Variants in GRM3 observed in about 807,000 individuals in gnomAD.
GRM3 encodes glutamate metabotropic receptor 3.
GRM3 carries 26 observed loss-of-function variants against 70.5 expected under a neutral mutation model. The observed-to-expected ratio is 0.37, with a 90% CI of 0.27 to 0.51. GRM3 has a LOEUF of 0.51. Ranked by LOEUF, GRM3 falls within the 20% of genes least tolerant of loss-of-function variation. GRM3 has a pLI of 0.93. For missense variants in GRM3, 859 were observed against 1,123.8 expected (o/e 0.76, Z 3.37); for synonymous variants, 443 against 434.9 (o/e 1.02, Z -0.23).
chr7:86,746,375 A>AT (rs1562846667), intron 1 of GRM3, among the ~76,000 whole-genome samples: 1 of 137,154 alleles, frequency 7.3e-6, no homozygotes, highest in Non-Finnish European at 1.6e-5. Context: ...ATATATATAT[A>AT]ATCACTTCAA....
chr7:86,725,114 T>C (rs1196369055), intron 1 of GRM3, among the ~76,000 whole-genome samples: 1 of 152,164 alleles, frequency 6.6e-6, no homozygotes, highest in African/African-American at 2.4e-5. Flanking sequence ...TCCTCATTCT[T>C]TAATTTCATG....
chr7:86,801,070 T>TTC (rs1797671584), intron 3 of GRM3, among the ~76,000 whole-genome samples: 1 of 142,002 alleles, frequency 7.0e-6, no homozygotes, highest in African/African-American at 2.7e-5. Flanking sequence ...TCTTCTTTTT[T>TTC]TTTTTTTTTT....
intron 1 of GRM3, among the ~76,000 whole-genome samples, chr7:86,694,335 AC>A (rs1175156153): frequency 6.6e-6 from 1 of 151,810 alleles, no homozygotes; most frequent in Non-Finnish European, 1.5e-5. Flanking sequence ...CCACGGTGAA[AC>A]CCTGTCTCTA....
intron 3 of GRM3, among the ~76,000 whole-genome samples, chr7:86,800,186 G>T (rs1039543497): frequency 1.3e-5 from 2 of 152,172 alleles, no homozygotes; most frequent in African/African-American, 4.8e-5. Context: ...ACATCAAAAA[G>T]CTATGAGGAT....
At chr7:86,673,049 T>C (rs552969934) in intron 1 of GRM3, among the ~76,000 whole-genome samples, 1 of 152,314 alleles carries the variant, frequency 6.6e-6, no homozygotes, top group East Asian at 1.9e-4. Context: ...CTGTTATCTA[T>C]GGGATTGTTA....
At chr7:86,823,169 A>G (rs1262898167) in intron 3 of GRM3, among the ~76,000 whole-genome samples, 1 of 152,194 alleles carries the variant, frequency 6.6e-6, no homozygotes, top group Non-Finnish European at 1.5e-5. Context: ...TTCCTATTAC[A>G]CAGCCCTGCC....
At position 86,813,851 on chromosome 7, in the gene GRM3, T is replaced by C. The variant is rs186265635; in HGVS notation, c.1325-24988T>C. Among the ~76,000 whole-genome samples, 18 of 151,772 alleles carry C rather than the reference T, an allele frequency of 1.2e-4. 1 individual carries two copies. Among genetic ancestry groups the C allele is most frequent in the Admixed American group, 1.1e-3 (17 of 15,194 alleles). On this transcript the variant is annotated intron_variant, in intron 3 of 5. Coordinates refer to ENST00000361669, the MANE Select transcript of GRM3 (RefSeq NM_000840.3). ...GACATTTTACCAGCTAGAACCCTAA[T>C]TGAACAAGACTTGCTGAGAGCAAGA...
At position 86,644,879 on chromosome 7, in the gene GRM3, G is replaced by A. The variant is rs1232732374; in HGVS notation, c.-141+7G>A. ...CAGGAGTTGTCGGTGCGAGGTAAGG[G>A]TCCCAGAGGAGGACGTGTCCCTCTG... On this transcript the variant is annotated splice_region_variant and intron_variant, in intron 1 of 5. Coordinates refer to ENST00000361669, the MANE Select transcript of GRM3 (RefSeq NM_000840.3). 2 of 1,283,814 alleles carry A rather than the reference G, an allele frequency of 1.6e-6. No homozygotes were observed. Among genetic ancestry groups the A allele is most frequent in the East Asian group, 5.6e-5 (1 of 17,954 alleles). The allele number at this position is 1,283,814 out of a possible 1,614,324, so 79.5% of individuals were successfully genotyped here.
At chr7:86,717,532 G>A (rs1000583324) in intron 1 of GRM3, among the ~76,000 whole-genome samples, 11 of 151,942 alleles carry the variant, frequency 7.2e-5, no homozygotes, top group Non-Finnish European at 7.4e-5. Context: ...AAATTTACGA[G>A]ACTATTACAA....
At position 86,839,057 on chromosome 7, in the gene GRM3, C is replaced by T; in HGVS notation, c.1543C>T (p.Pro515Ser). 1.2e-6 allele frequency: 2 copies of T among 1,614,026 alleles called. No individual in the cohort carries two copies. Among genetic ancestry groups the T allele is most frequent in the Non-Finnish European group, 1.7e-6 (2 of 1,179,890 alleles). The change falls in exon 4 of 6, where the codon CCC becomes TCC. Residue 515 changes from proline to serine, a missense_variant. By Grantham distance (74) the Pro-to-Ser change is moderately conservative. Coordinates refer to ENST00000361669, the MANE Select transcript of GRM3 (RefSeq NM_000840.3). This position sits in a 1 kb window ranked among gnomAD's most constrained non-coding sequence, Gnocchi z 4.5. The part of the protein sequence containing the change: ...PTSQCSDPCA[P>S]NEMKNMQPGD... ...TTCCCAGTGCAGCGACCCCTGTGCC[C>T]CCAATGAAATGAAGAATATGCAACC...
chr7:86,781,514 T>C (rs926615591), intron 2 of GRM3, among the ~76,000 whole-genome samples: 1 of 152,172 alleles, frequency 6.6e-6, no homozygotes, highest in African/African-American at 2.4e-5. Flanking sequence ...AATTTACATC[T>C]CTTCCTATAT....
At chr7:86,752,998 A>G (rs1447762475) in intron 1 of GRM3, among the ~76,000 whole-genome samples, 1 of 152,204 alleles carries the variant, frequency 6.6e-6, no homozygotes, top group East Asian at 1.9e-4. Context: ...TTCTCCTGGC[A>G]TATTATGGTA....
At chr7:86,702,620 C>A (rs900039745) in intron 1 of GRM3, among the ~76,000 whole-genome samples, 2 of 151,924 alleles carry the variant, frequency 1.3e-5, no homozygotes, top group African/African-American at 2.4e-5. Flanking sequence ...CTCTTTTTGT[C>A]CTTATTCTTT....
At chr7:86,696,917 C>T (rs1247990183) in intron 1 of GRM3, among the ~76,000 whole-genome samples, 2 of 152,178 alleles carry the variant, frequency 1.3e-5, no homozygotes. Flanking sequence ...AACTGCTCTA[C>T]TATTCTGGCT....
At chr7:86,812,979 T>C (rs1443511405) in intron 3 of GRM3, among the ~76,000 whole-genome samples, 1 of 151,746 alleles carries the variant, frequency 6.6e-6, no homozygotes, top group Non-Finnish European at 1.5e-5. Context: ...GGCACTACAC[T>C]TAAATTTTTA....
rs1355501473 is a variant in GRM3, at chr7:86,765,527, C to T, written c.382C>T (p.Pro128Ser). Residue 128 changes from proline (P) to serine (S), a missense_variant, in exon 2 of 6, where the codon CCT (proline) becomes TCT (serine). By Grantham distance (74) the Pro-to-Ser change is moderately conservative (BLOSUM62 -1). Transcript: ENST00000361669. The stretch of plus-strand genomic sequence containing the variant: ...AGTGGATGAAGCTGAGTATATGTGT[C>T]CTGATGGATCCTATGCCATTCAAGA... ...TKVDEAEYMC[P>S]DGSYAIQENI... is the part of the protein sequence containing the mutation. 3.1e-6 allele frequency: 5 copies of T among 1,613,596 alleles called. No individual in the cohort carries two copies. The African/African-American group carries it at 6.7e-5, about 22-fold the overall frequency.
intron 1 of GRM3, among the ~76,000 whole-genome samples, chr7:86,726,351 T>C (rs1795593332): frequency 6.6e-6 from 1 of 152,212 alleles, no homozygotes; most frequent in Non-Finnish European, 1.5e-5. Context: ...TGAGGCTGAA[T>C]ACATCTAATT....
chr7:86,835,151 G>A (rs528536653), intron 3 of GRM3, among the ~76,000 whole-genome samples: 1 of 151,730 alleles, frequency 6.6e-6, no homozygotes, highest in Admixed American at 6.5e-5. Context: ...GGGTATCAGG[G>A]GATTTAATAT....
chr7:86,676,627 C>T (rs1259551115), intron 1 of GRM3, among the ~76,000 whole-genome samples: 3 of 151,930 alleles, frequency 2.0e-5, no homozygotes, highest in South Asian at 2.1e-4. Flanking sequence ...ATATTAGCCT[C>T]TCTTTTAAGA....
Sources: allele counts gnomAD v4.1 joint callset (sites outside exome capture counted in the v4.1 genomes callset), GRCh38; gene constraint gnomAD v4.1.1; non-coding constraint Gnocchi (gnomAD v3.1); transcripts MANE v1.5; gene names NCBI Gene and HGNC (gene_info 2026-07-23, HGNC 2026-07-21).